NKAIN2: variants seen among roughly 807,000 people sequenced by gnomAD.
NKAIN2 encodes sodium/potassium transporting ATPase interacting 2.
A neutral mutation model predicts 32.6 loss-of-function variants in NKAIN2; 14 were observed. The observed-to-expected ratio is 0.43, with a 90% CI of 0.28 to 0.67. The LOEUF is 0.67. NKAIN2 is among the 30% of genes least tolerant of loss of function. NKAIN2 has a pLI of 0.17. For synonymous variants in NKAIN2, 80 were observed against 87.2 expected, an observed-to-expected ratio of 0.92 and a Z score of 0.46; for missense variants, 198 against 258.3, an observed-to-expected ratio of 0.77 and a Z score of 1.60.
chr6:124,356,581 G>T (rs1276544240), intron 3 of NKAIN2, among the ~76,000 whole-genome samples: 3 of 152,192 alleles, frequency 2.0e-5, no homozygotes, highest in East Asian at 3.9e-4. Flanking sequence ...TGTGTTTTTT[G>T]CAGGGCATCG....
intron 3 of NKAIN2, among the ~76,000 whole-genome samples, chr6:124,602,015 A>G (rs762897302): frequency 6.6e-6 from 1 of 152,054 alleles, no homozygotes; most frequent in Non-Finnish European, 1.5e-5. Context: ...TATTATAATC[A>G]TTGTGTAGGC....
intron 1 of NKAIN2, among the ~76,000 whole-genome samples, chr6:124,107,458 C>T (rs1011942163): frequency 6.6e-6 from 1 of 152,026 alleles, no homozygotes; most frequent in African/African-American, 2.4e-5. Context: ...AGCTCAATTT[C>T]TGGATATTTG....
chr6:124,119,144 T>C (rs1240734123), intron 1 of NKAIN2, among the ~76,000 whole-genome samples: 3 of 152,162 alleles, frequency 2.0e-5, no homozygotes, highest in Non-Finnish European at 2.9e-5. Context: ...CTATATGATA[T>C]AGCTCCCCAA....
intron 1 of NKAIN2, among the ~76,000 whole-genome samples, chr6:123,849,981 A>C (rs1261887380): frequency 2.9e-5 from 2 of 68,526 alleles, no homozygotes; most frequent in Non-Finnish European, 3.1e-5. Flanking sequence ...TTTTTTTTTT[A>C]ACTTTCTGTG....
intron 4 of NKAIN2, among the ~76,000 whole-genome samples, chr6:124,677,793 C>T (rs1006747000): frequency 6.6e-6 from 1 of 152,064 alleles, no homozygotes; most frequent in African/African-American, 2.4e-5. Flanking sequence ...TATGTATTTA[C>T]ATTTACCCAT....
intron 1 of NKAIN2, among the ~76,000 whole-genome samples, chr6:124,082,642 A>T (rs1383560879): frequency 6.6e-6 from 1 of 152,058 alleles, no homozygotes; most frequent in East Asian, 1.9e-4. Flanking sequence ...CAATATAAAA[A>T]AAAAAGATCT....
chr6:123,929,819 C>G (rs1002462047), intron 1 of NKAIN2, among the ~76,000 whole-genome samples: 1 of 152,056 alleles, frequency 6.6e-6, no homozygotes, highest in Non-Finnish European at 1.5e-5. Context: ...CATTATATTA[C>G]CCAGCTGAGC....
chr6:124,195,806 C>T (rs1363100454), intron 1 of NKAIN2, among the ~76,000 whole-genome samples: 3 of 151,772 alleles, frequency 2.0e-5, no homozygotes, highest in African/African-American at 7.3e-5. Flanking sequence ...TTTGTTGTTG[C>T]GGTGTTTTTT....
chr6:124,723,477 G>A (rs1776129026), intron 4 of NKAIN2, among the ~76,000 whole-genome samples: 3 of 152,046 alleles, frequency 2.0e-5, no homozygotes, highest in Non-Finnish European at 4.4e-5. Context: ...GTCAGGGTTG[G>A]CATTTCAGTT....
At chr6:124,307,631 T>C (rs1432898748) in intron 2 of NKAIN2, among the ~76,000 whole-genome samples, 3 of 152,176 alleles carry the variant, frequency 2.0e-5, no homozygotes, top group Non-Finnish European at 4.4e-5. Context: ...AGGTTGACAA[T>C]TACAATTGAA....
intron 1 of NKAIN2, among the ~76,000 whole-genome samples, chr6:123,807,012 G>T (rs961284016): frequency 6.6e-6 from 1 of 151,992 alleles, no homozygotes; most frequent in Non-Finnish European, 1.5e-5. Flanking sequence ...ACCAGACACG[G>T]TGTTTTGACC....
At chr6:123,981,724 T>A (rs1042109585) in intron 1 of NKAIN2, among the ~76,000 whole-genome samples, 2 of 152,126 alleles carry the variant, frequency 1.3e-5, no homozygotes, top group Non-Finnish European at 2.9e-5. Context: ...GATTTAATGA[T>A]AAGACACTGA....
At chr6:124,648,532 A>G (rs1033856810) in intron 3 of NKAIN2, among the ~76,000 whole-genome samples, 1 of 152,188 alleles carries the variant, frequency 6.6e-6, no homozygotes, top group Non-Finnish European at 1.5e-5. Flanking sequence ...CAGATCCAGG[A>G]AACTGGGGGT....
chr6:123,938,102 T>A (rs185096493), intron 1 of NKAIN2, among the ~76,000 whole-genome samples: 1 of 138,264 alleles, frequency 7.2e-6, no homozygotes, highest in Admixed American at 7.5e-5. Context: ...AAAACAAAAC[T>A]CTATTTGTTC....
chr6:124,435,605 A>C (rs1473655751), intron 3 of NKAIN2, among the ~76,000 whole-genome samples: 1 of 152,172 alleles, frequency 6.6e-6, no homozygotes, highest in African/African-American at 2.4e-5. Context: ...TGACTGAGCC[A>C]GGATTTGACC....
chr6:124,003,598 A>G (rs796362772), intron 1 of NKAIN2, among the ~76,000 whole-genome samples: 6 of 152,310 alleles, frequency 3.9e-5, no homozygotes, highest in African/African-American at 1.4e-4. Context: ...AAGACATGGA[A>G]TTTTGTACAC....
intron 1 of NKAIN2, among the ~76,000 whole-genome samples, chr6:123,938,165 T>C (rs1776609227): frequency 6.6e-6 from 1 of 151,804 alleles, no homozygotes; most frequent in Non-Finnish European, 1.5e-5. Context: ...CATTGCTAAA[T>C]AAGATTTCAT....
chr6:124,706,985 C>T (rs1226645288), intron 4 of NKAIN2, among the ~76,000 whole-genome samples: 1 of 137,184 alleles, frequency 7.3e-6, no homozygotes, highest in Non-Finnish European at 1.6e-5. Flanking sequence ...TGCTATCCGT[C>T]CCCCCTCCCC....
chr6:124,701,252 T>G (rs199916962), intron 4 of NKAIN2, among the ~76,000 whole-genome samples: 1 of 152,008 alleles, frequency 6.6e-6, no homozygotes, highest in African/African-American at 2.4e-5. Flanking sequence ...TTTTACCTTC[T>G]CTTGATTATT....
Sources: gnomAD v4.1 joint callset for allele counts (sites outside exome capture counted in the v4.1 genomes callset) on GRCh38, gnomAD v4.1.1 for gene constraint, MANE v1.5 for transcripts, NCBI Gene and HGNC (gene_info 2026-07-23, HGNC 2026-07-21) for gene names.